Variants in LEPR observed in about 807,000 individuals in gnomAD.
LEPR encodes OB receptor.
LEPR carries 56 observed loss-of-function variants against 114.7 expected under a neutral mutation model. The ratio of observed to expected loss-of-function variants is 0.49; its 90% CI spans 0.39 to 0.61. The LOEUF (loss-of-function observed/expected upper bound fraction) is 0.61. LEPR is among the 20% of genes least tolerant of loss of function. The pLI is 0.00. For synonymous variants in LEPR, 443 were observed against 461.4 expected, an observed-to-expected ratio of 0.96 and a Z score of 0.51; for missense variants, 1,202 against 1,352.9, an observed-to-expected ratio of 0.89 and a Z score of 1.75.
rs932101258 is a variant in LEPR, at chr1:65,432,047, A to G, written c.-21+6669A>G. On this transcript the variant is annotated intron_variant, in intron 2 of 19. Coordinates refer to ENST00000349533, the MANE Select transcript of LEPR (RefSeq NM_002303.6). ...TTTAATACCTTTATATATCATGTTC[A>G]CTTTAAGAAAGACTTCATAAGTAGG... is the stretch of plus-strand genomic sequence containing the variant. 1.1e-5 allele frequency: 15 copies of G among 1,377,984 alleles called. No individual in the cohort carries two copies. The African/African-American group carries it at 1.9e-4, about 18-fold the overall frequency. 85.4% of individuals were successfully genotyped at this position (1,377,984 alleles called of 1,614,324 possible).
chr1:65,634,661 C>A, intron 19 of LEPR: 1 of 977,658 alleles, frequency 1.0e-6, no homozygotes. Flanking sequence ...TCAAACACAT[C>A]ATTTGAAGGA....
chr1:65,544,382 T>C (rs746638665), intron 2 of LEPR, among the ~76,000 whole-genome samples: 1 of 152,026 alleles, frequency 6.6e-6, no homozygotes, highest in Non-Finnish European at 1.5e-5. Flanking sequence ...TCATGTCCTC[T>C]GCAAACAGAG....
intron 2 of LEPR, among the ~76,000 whole-genome samples, chr1:65,437,093 T>C (rs1646573800): frequency 6.6e-6 from 1 of 152,218 alleles, no homozygotes; most frequent in African/African-American, 2.4e-5. Flanking sequence ...TTGACAGTGC[T>C]GCTGTTAAAA....
intron 3 of LEPR, among the ~76,000 whole-genome samples, chr1:65,566,656 T>G (rs575191175): frequency 1.3e-5 from 2 of 152,348 alleles, no homozygotes; most frequent in South Asian, 2.1e-4. Flanking sequence ...CTTATGTGAT[T>G]TGGCAATTGT....
At chr1:65,505,404 C>T (rs1412376521) in intron 2 of LEPR, among the ~76,000 whole-genome samples, 1 of 152,142 alleles carries the variant, frequency 6.6e-6, no homozygotes, top group Admixed American at 6.6e-5. Flanking sequence ...TGTCTGATCC[C>T]ACATTAATAT....
At chr1:65,440,175 G>A (rs1337435674) in intron 2 of LEPR, among the ~76,000 whole-genome samples, 2 of 151,906 alleles carry the variant, frequency 1.3e-5, no homozygotes, top group African/African-American at 2.4e-5. Context: ...GAATCAACAC[G>A]ATGGGACCTA....
At chr1:65,623,546 A>G (rs774635777) in intron 19 of LEPR, among the ~76,000 whole-genome samples, 8 of 152,174 alleles carry the variant, frequency 5.3e-5, no homozygotes, top group Non-Finnish European at 1.0e-4. Context: ...GATTTTTCAG[A>G]AAGCTCTAAA....
intron 2 of LEPR, among the ~76,000 whole-genome samples, chr1:65,518,919 CTCTTTCTCTG>C (rs1649463980): frequency 1.3e-5 from 1 of 76,014 alleles, no homozygotes. Flanking sequence ...CTTTCTTTCT[CTCTTTCTCTG>C]TTTCTTTCTT....
chr1:65,582,494 C>T (rs1267147102), intron 5 of LEPR, among the ~76,000 whole-genome samples: 1 of 152,128 alleles, frequency 6.6e-6, no homozygotes, highest in East Asian at 1.9e-4. Flanking sequence ...CATAGGACAG[C>T]CTGCACCATT....
intron 17 of LEPR, 112 bp from the exon 18 acceptor site, chr1:65,621,241 G>A: frequency 1.2e-6 from 1 of 815,568 alleles, no homozygotes; most frequent in South Asian, 1.6e-5. Flanking sequence ...ATTTTTGAAG[G>A]TAATAAGAGA....
chr1:65,568,855 A>G (rs1359342031), intron 3 of LEPR, among the ~76,000 whole-genome samples: 3 of 152,280 alleles, frequency 2.0e-5, no homozygotes, highest in East Asian at 1.9e-4. Context: ...TGACTTTTTA[A>G]TAATGGCCAT....
At chr1:65,546,402 A>G (rs551269307) in intron 2 of LEPR, among the ~76,000 whole-genome samples, 7 of 152,208 alleles carry the variant, frequency 4.6e-5, no homozygotes, top group Non-Finnish European at 7.4e-5. Flanking sequence ...CTTGGGCAGT[A>G]TGGCCATTTT....
intron 2 of LEPR, among the ~76,000 whole-genome samples, chr1:65,529,851 C>T (rs1650262254): frequency 6.6e-6 from 1 of 152,182 alleles, no homozygotes; most frequent in South Asian, 2.1e-4. Flanking sequence ...TCCTTCTTCA[C>T]TGGCTGCTCC....
At chr1:65,602,174 T>G (rs1351977730) in intron 10 of LEPR, among the ~76,000 whole-genome samples, 1 of 152,116 alleles carries the variant, frequency 6.6e-6, no homozygotes, top group East Asian at 1.9e-4. Flanking sequence ...TTGTTTTTAC[T>G]TCAAATTATC....
chr1:65,569,695 G>A (rs1211007601), intron 3 of LEPR, among the ~76,000 whole-genome samples: 7 of 105,870 alleles, frequency 6.6e-5, no homozygotes, highest in Non-Finnish European at 1.2e-4. Flanking sequence ...CAACAAGAGC[G>A]AAATTCCATC....
chr1:65,441,453 G>A (rs2100282187), intron 2 of LEPR, among the ~76,000 whole-genome samples: 1 of 152,340 alleles, frequency 6.6e-6, no homozygotes, highest in East Asian at 1.9e-4. Flanking sequence ...TGGTTTCTAA[G>A]TCCTAGCCTT....
chr1:65,475,341 AC>A (rs929589539), intron 2 of LEPR, among the ~76,000 whole-genome samples: 9 of 152,144 alleles, frequency 5.9e-5, no homozygotes, highest in African/African-American at 1.9e-4. Context: ...TTCCAAAGGA[AC>A]CATCATGTAA....
At chr1:65,544,723 T>C (rs1032735374) in intron 2 of LEPR, among the ~76,000 whole-genome samples, 1 of 149,126 alleles carries the variant, frequency 6.7e-6, no homozygotes, top group Non-Finnish European at 1.5e-5. Flanking sequence ...CATATAAATA[T>C]AATAGAATAT....
At chr1:65,431,820 C>T (rs1447288503) in intron 2 of LEPR, 10 of 1,613,196 alleles carry the variant, frequency 6.2e-6, no homozygotes, top group African/African-American at 2.7e-5. Flanking sequence ...GGGGAGCCTG[C>T]GGCCTTGTGT....
Sources: gnomAD v4.1 joint callset for allele counts (sites outside exome capture counted in the v4.1 genomes callset) on GRCh38, gnomAD v4.1.1 for gene constraint, MANE v1.5 for transcripts, NCBI Gene and HGNC (gene_info 2026-07-23, HGNC 2026-07-21) for gene names.